The following AGBL4 variants were observed in gnomAD, a reference collection of about 807,000 sequenced individuals.
AGBL4 encodes the protein cytosolic carboxypeptidase 6.
AGBL4 carries 58 observed loss-of-function variants against 66.4 expected under a neutral mutation model. That is an observed-to-expected ratio of 0.87 (90% CI 0.71 to 1.09). The LOEUF (loss-of-function observed/expected upper bound fraction) is 1.09, where lower values mean the gene tolerates loss of function less well. Ranked by LOEUF, AGBL4 falls within the 50% of genes least tolerant of loss-of-function variation. The probability of loss-of-function intolerance (pLI) is 0.00; values close to 1 mark genes in which losing one functional copy is unlikely to be tolerated. For missense variants in AGBL4, 579 were observed against 631.0 expected, an observed-to-expected ratio of 0.92 and a Z score of 0.88; for synonymous variants, 234 against 222.9, an observed-to-expected ratio of 1.05 and a Z score of -0.44.
intron 7 of AGBL4, among the ~76,000 whole-genome samples, chr1:48,655,612 G>T: frequency 2.0e-5 from 3 of 152,304 alleles, no homozygotes. Context: ...TCCTGTGTTA[G>T]CTGCCTGACA....
chr1:49,878,148 T>C (rs573923770), intron 1 of AGBL4, among the ~76,000 whole-genome samples: 170 of 146,570 alleles, frequency 1.2e-3, no homozygotes, highest in Non-Finnish European at 2.0e-3. Context: ...GTTTTTTGTG[T>C]CTCTATTTCC....
rs1557759734 is a variant in AGBL4 at position 49,241,923 on chromosome 1, T to C, written c.377+3847A>G. On this transcript the variant is annotated intron_variant, in intron 4 of 13. Coordinates refer to ENST00000371839, the MANE Select transcript of AGBL4 (RefSeq NM_032785.4). ...AAACAGGATAATGAAAGAGGTAGCATGGCTCATCATGTTATTTCTTCCACC... is the reference window on the plus strand; with the variant it reads ...AAACAGGATAATGAAAGAGGTAGCACGGCTCATCATGTTATTTCTTCCACC... Among the ~76,000 whole-genome samples the C allele has an allele frequency of 2.6e-5, 4 of 152,022 alleles. No individual in the cohort carries two copies. In the South Asian group the frequency reaches 6.2e-4, roughly 24 times the overall value.
At chr1:49,328,475 A>ATACACTT (rs1345012650) in intron 3 of AGBL4, among the ~76,000 whole-genome samples, 1 of 152,190 alleles carries the variant, frequency 6.6e-6, no homozygotes, top group African/African-American at 2.4e-5. Flanking sequence ...CTAACATGCC[A>ATACACTT]TACACTTTTA....
chr1:49,391,752 G>C (rs1444108593), intron 3 of AGBL4, among the ~76,000 whole-genome samples: 1 of 151,880 alleles, frequency 6.6e-6, no homozygotes, highest in Non-Finnish European at 1.5e-5. Flanking sequence ...TAGTGGAGAT[G>C]GGGTTTCACT....
At chr1:49,833,534 T>A (rs1224940465) in intron 2 of AGBL4, among the ~76,000 whole-genome samples, 9 of 151,798 alleles carry the variant, frequency 5.9e-5, no homozygotes, top group Non-Finnish European at 1.0e-4. Flanking sequence ...GTGAAGAAAG[T>A]CATTGGTAGC....
At chr1:49,281,020 A>T (rs1335045012) in intron 3 of AGBL4, among the ~76,000 whole-genome samples, 1 of 152,228 alleles carries the variant, frequency 6.6e-6, no homozygotes, top group Non-Finnish European at 1.5e-5. Flanking sequence ...TTTGTTGAAC[A>T]CTAAGTTCCA....
intron 9 of AGBL4, among the ~76,000 whole-genome samples, chr1:48,618,776 A>G (rs1645361058): frequency 6.6e-6 from 1 of 152,096 alleles, no homozygotes. Context: ...AGCATGCTCA[A>G]TCTTTGGAGT....
At chr1:49,767,432 T>C (rs1643916825) in intron 2 of AGBL4, among the ~76,000 whole-genome samples, 1 of 151,878 alleles carries the variant, frequency 6.6e-6, no homozygotes, top group Non-Finnish European at 1.5e-5. Flanking sequence ...AAAGAACATA[T>C]AAAATTTCTG....
intron 6 of AGBL4, among the ~76,000 whole-genome samples, chr1:48,745,918 C>T (rs1650668697): frequency 6.6e-6 from 1 of 152,044 alleles, no homozygotes; most frequent in Admixed American, 6.5e-5. Flanking sequence ...TATCTGTCTC[C>T]CCTACTAAAG....
At chr1:48,772,655 G>T (rs992709924) in intron 6 of AGBL4, among the ~76,000 whole-genome samples, 5 of 152,146 alleles carry the variant, frequency 3.3e-5, no homozygotes, top group African/African-American at 1.2e-4. Flanking sequence ...AGCTACAGAA[G>T]GTTCTAATGA....
chr1:49,960,283 G>A (rs1254588647), intron 1 of AGBL4, among the ~76,000 whole-genome samples: 1 of 151,946 alleles, frequency 6.6e-6, no homozygotes, highest in Non-Finnish European at 1.5e-5. Context: ...GATGGAACTG[G>A]AGGACATTAT....
At chr1:48,656,215 TC>T (rs1198322758) in intron 7 of AGBL4, among the ~76,000 whole-genome samples, 1 of 152,196 alleles carries the variant, frequency 6.6e-6, no homozygotes, top group Non-Finnish European at 1.5e-5. Context: ...TGTCCCAGCT[TC>T]CAACAGACCA....
intron 6 of AGBL4, among the ~76,000 whole-genome samples, chr1:48,721,694 T>C (rs898288762): frequency 2.0e-5 from 3 of 152,190 alleles, no homozygotes; most frequent in Non-Finnish European, 4.4e-5. Context: ...CACTAGGCAG[T>C]GGCCAAGGCC....
At chr1:49,445,252 T>C (rs137970977) in intron 3 of AGBL4, among the ~76,000 whole-genome samples, 2 of 152,230 alleles carry the variant, frequency 1.3e-5, no homozygotes, top group East Asian at 1.9e-4. Context: ...ACTATGTGCT[T>C]TTCTCTTGCT....
At chr1:48,630,446 C>T (rs920414810) in intron 9 of AGBL4, among the ~76,000 whole-genome samples, 1 of 152,014 alleles carries the variant, frequency 6.6e-6, no homozygotes, top group African/African-American at 2.4e-5. Flanking sequence ...CCTGGGTTCC[C>T]ATCTCAGGAA....
chr1:49,984,415 T>G (rs1442954027), intron 1 of AGBL4, among the ~76,000 whole-genome samples: 1 of 152,224 alleles, frequency 6.6e-6, no homozygotes, highest in Non-Finnish European at 1.5e-5. Flanking sequence ...CATTTAAATG[T>G]TAAGTCTCTA....
At chr1:48,912,143 T>C (rs1204081188) in intron 5 of AGBL4, among the ~76,000 whole-genome samples, 1 of 152,140 alleles carries the variant, frequency 6.6e-6, no homozygotes, top group Non-Finnish European at 1.5e-5. Flanking sequence ...AAAACCATGG[T>C]CTAGTTCTCG....
At chr1:48,840,354 A>T (rs1646771622) in intron 6 of AGBL4, among the ~76,000 whole-genome samples, 1 of 152,144 alleles carries the variant, frequency 6.6e-6, no homozygotes, top group South Asian at 2.1e-4. Flanking sequence ...ATTGAGAAAA[A>T]CGAGGCAGTT....
chr1:49,960,586 C>T (rs1277751042), intron 1 of AGBL4, among the ~76,000 whole-genome samples: 1 of 152,034 alleles, frequency 6.6e-6, no homozygotes, highest in Non-Finnish European at 1.5e-5. Flanking sequence ...CACAAAGAAA[C>T]AATCAATATT....
Sources: gnomAD v4.1 joint callset for allele counts (sites outside exome capture counted in the v4.1 genomes callset) on GRCh38, gnomAD v4.1.1 for gene constraint, MANE v1.5 for transcripts, NCBI Gene and HGNC (gene_info 2026-07-23, HGNC 2026-07-21) for gene names.